SLU7: variants seen among roughly 807,000 people sequenced by gnomAD.
SLU7 encodes the protein pre-mRNA-splicing factor SLU7.
A neutral mutation model predicts 87.0 loss-of-function variants in SLU7; 60 were observed. That is an observed-to-expected ratio of 0.69 (90% confidence interval 0.56 to 0.86). The LOEUF is 0.86. SLU7 is among the 40% of genes least tolerant of loss of function. The pLI is 0.00. For missense variants in SLU7, 507 were observed against 686.6 expected, an observed-to-expected ratio of 0.74 and a Z score of 2.92; for synonymous variants, 197 against 222.0, an observed-to-expected ratio of 0.89 and a Z score of 1.00.
intron 1 of SLU7, chr5:160,418,602 G>A (rs1453513911): frequency 2.0e-5 from 3 of 152,166 alleles, no homozygotes; most frequent in Non-Finnish European, 4.4e-5. Flanking sequence ...TTACATAGAT[G>A]TTTTCATTTA....
chr5:160,413,795 G>A (rs1765339177), intron 4 of SLU7, 104 bp downstream of exon 4: 2 of 977,688 alleles, frequency 2.0e-6, no homozygotes, highest in Non-Finnish European at 3.0e-6. Flanking sequence ...TATTTAACTT[G>A]TACCTAAATA....
At chr5:160,415,715 T>C (rs1024975905) in intron 1 of SLU7, among the ~76,000 whole-genome samples, 1 of 152,144 alleles carries the variant, frequency 6.6e-6, no homozygotes, top group African/African-American at 2.4e-5. Flanking sequence ...CACCTTCTAT[T>C]TTCATCCTCA....
intron 8 of SLU7, 63 bp from the exon 9 acceptor site, chr5:160,408,131 A>T (rs966565408): frequency 1.6e-6 from 2 of 1,231,838 alleles, no homozygotes; most frequent in Admixed American, 3.5e-5. Flanking sequence ...TCAGCAGACT[A>T]GTTGGAGGAG....
intron 7 of SLU7, 34 bp downstream of exon 7, chr5:160,408,616 T>G (rs1372173642): frequency 6.9e-7 from 1 of 1,456,548 alleles, no homozygotes. Context: ...TTTAAAAATT[T>G]AACATATACT....
At chr5:160,412,863 C>T (rs943432112) in intron 5 of SLU7, among the ~76,000 whole-genome samples, 1 of 151,524 alleles carries the variant, frequency 6.6e-6, no homozygotes, top group Non-Finnish European at 1.5e-5. Flanking sequence ...CGTGGGGTTA[C>T]CATATATTAC....
At chr5:160,408,800 ATATT>A (rs1286828267) in intron 6 of SLU7, 103 bp from the exon 7 acceptor site, 2 of 203,664 alleles carry the variant, frequency 9.8e-6, no homozygotes, top group Non-Finnish European at 2.1e-5. Flanking sequence ...TATAAATAAT[ATATT>A]TATATAATAA....
intron 6 of SLU7, among the ~76,000 whole-genome samples, chr5:160,410,566 AT>A (rs202245512): frequency 8.1e-4 from 121 of 149,434 alleles, no homozygotes; most frequent in South Asian, 2.5e-3. Context: ...CTTAAAGTAT[AT>A]AAAAAAAAAA....
At chr5:160,414,539 C>A (rs900435382) in intron 2 of SLU7, 67 bp from the exon 3 acceptor site, 7 of 1,044,016 alleles carry the variant, frequency 6.7e-6, no homozygotes, top group Non-Finnish European at 8.0e-6. Context: ...ATTACAATTA[C>A]AAAGGTAGCT....
chr5:160,404,680 C>T (rs901988641), intron 14 of SLU7, 124 bp from the exon 15 acceptor site: 21 of 862,066 alleles, frequency 2.4e-5, no homozygotes, highest in African/African-American at 3.4e-5. Context: ...GGGCCCAGAC[C>T]GTGCACTGCG....
intron 6 of SLU7, among the ~76,000 whole-genome samples, chr5:160,411,203 G>A (rs1765220721): frequency 6.6e-6 from 1 of 151,922 alleles, no homozygotes; most frequent in Non-Finnish European, 1.5e-5. Context: ...ATGTCTCATG[G>A]AGCAGAGATG....
At chr5:160,418,516 C>T (rs753729299) in intron 1 of SLU7, 4 of 152,180 alleles carry the variant, frequency 2.6e-5, no homozygotes, top group Non-Finnish European at 5.9e-5. Flanking sequence ...TGTGGAGGGA[C>T]CTATTTTCTC....
At chr5:160,404,698 C>T (rs1235932257) in intron 14 of SLU7, 111 bp downstream of exon 14, 5 of 917,578 alleles carry the variant, frequency 5.4e-6, no homozygotes, top group Non-Finnish European at 6.8e-6. Flanking sequence ...GCGCTCGAGC[C>T]TGGGCGACAG....
chr5:160,407,661 G>T lies in SLU7; in HGVS notation c.986-46C>A, dbSNP rs780895359. The T allele has an allele frequency of 1.2e-6, 2 of 1,603,350 alleles. No individual in the cohort carries two copies. The highest frequency in any genetic ancestry group is 1.1e-5 in the South Asian group (1 of 88,874). On this transcript the variant is annotated intron_variant, in intron 10 of 15. Transcript: ENST00000297151. The surrounding 1 kb of genome is among the most constrained non-coding windows in gnomAD (Gnocchi z 4.2). ...TTAGTGAGTTGGCAGCTGCATTACT[G>T]TATGCTTCTTGAAAACAAGCTTTAA...
intron 2 of SLU7, among the ~76,000 whole-genome samples, chr5:160,414,710 G>C (rs1250236862): frequency 6.6e-6 from 1 of 152,054 alleles, no homozygotes; most frequent in Non-Finnish European, 1.5e-5. Context: ...ATAACTGAAG[G>C]GGGACAAGAG....
chr5:160,401,654 T>C lies in SLU7; in HGVS notation c.*1631A>G, dbSNP rs573846616. ...GCTACAAACCACTCACAGTTAAGTA[T>C]TGTCATTTATGTATCTTTAACAAAA... On this transcript the variant is annotated 3_prime_UTR_variant, in exon 16 of 16. Coordinates refer to ENST00000297151, the MANE Select transcript of SLU7 (RefSeq NM_006425.5). 3 of 152,336 alleles carry C rather than the reference T, an allele frequency of 2.0e-5. No individual in the cohort carries two copies. The highest frequency in any genetic ancestry group is 2.1e-4 in the South Asian group (1 of 4,834). 9.4% of individuals were successfully genotyped at this position (152,336 alleles called of 1,614,324 possible). A position where few individuals can be genotyped will look rare whatever the true frequency, so the allele number is the denominator to read the frequency against.
At position 160,403,014 on chromosome 5, in the gene SLU7, CA is replaced by C. The variant is rs1185239199; in HGVS notation, c.*270del. 8.9e-3 allele frequency: 1,586 copies of C among 178,906 alleles called. No homozygotes were observed. Among genetic ancestry groups the C allele is most frequent in the Middle Eastern group, 0.022 (11 of 490 alleles). 11.1% of individuals were successfully genotyped at this position (178,906 alleles called of 1,614,324 possible). A position where few individuals can be genotyped will look rare whatever the true frequency, so the allele number is the denominator to read the frequency against. Reference sequence around the variant, plus strand: ...TGGGCGACAGAGCAAGACTCCGTCTCAAAAAAAAAAATAAATAAATAAAAAA... The same window carrying C: ...TGGGCGACAGAGCAAGACTCCGTCTCAAAAAAAAAATAAATAAATAAAAAA... On this transcript the variant is annotated 3_prime_UTR_variant, in exon 16 of 16. Transcript: ENST00000297151.
rs1320011769 is a variant in SLU7 at position 160,407,476 on chromosome 5, C to T, written c.1125G>A (p.Lys375=). The part of the protein sequence containing the change: ...KEQQKESILE[K]YGGQEHLDAP... ...TCTTTAGCATTTTGGTCAAAATTAC[C>T]TTTTCCAGGATGCTTTCTTTCTGCT... Residue 375 remains lysine, a splice_region_variant and synonymous_variant, in exon 11 of 16, where the codon AAG becomes AAA. Transcript: ENST00000297151. The surrounding 1 kb of genome is among the most constrained non-coding windows in gnomAD (Gnocchi z 4.2). 3.7e-6 allele frequency: 6 copies of T among 1,602,686 alleles called. No individual in the cohort carries two copies. In the African/African-American group the frequency reaches 4.0e-5, roughly 11 times the overall value.
intron 13 of SLU7, 50 bp downstream of exon 13, chr5:160,404,981 T>C (rs780125375): frequency 1.9e-6 from 3 of 1,545,098 alleles, no homozygotes; most frequent in Non-Finnish European, 1.8e-6. Flanking sequence ...TAGTTTGACT[T>C]AGGAGCTTCG....
At chr5:160,413,858 A>G (rs1554082461) in intron 4 of SLU7, 41 bp downstream of exon 4, 1 of 1,352,994 alleles carries the variant, frequency 7.4e-7, no homozygotes, top group Non-Finnish European at 1.0e-6. Flanking sequence ...AAAAAGAAAG[A>G]CTCTGACAAC....
Sources: allele counts gnomAD v4.1 joint callset (sites outside exome capture counted in the v4.1 genomes callset), GRCh38; gene constraint gnomAD v4.1.1; non-coding constraint Gnocchi (gnomAD v3.1); transcripts MANE v1.5; gene names NCBI Gene and HGNC (gene_info 2026-07-23, HGNC 2026-07-21).